The following ENTPD7 variants were observed in gnomAD, a reference collection of about 807,000 sequenced individuals.
ENTPD7 encodes the protein ectonucleoside triphosphate diphosphohydrolase 7.
A neutral mutation model predicts 77.9 loss-of-function variants in ENTPD7; 53 were observed. That is an observed-to-expected ratio of 0.68 (90% CI 0.55 to 0.85). ENTPD7 has a LOEUF of 0.85. Ranked by LOEUF, ENTPD7 falls within the 40% of genes least tolerant of loss-of-function variation. The pLI, the probability that ENTPD7 is intolerant of heterozygous loss-of-function variation, is 0.00. For missense variants in ENTPD7, 636 were observed against 743.7 expected, an observed-to-expected ratio of 0.86 and a Z score of 1.68; for synonymous variants, 248 against 274.9, an observed-to-expected ratio of 0.90 and a Z score of 0.97.
At position 99,702,679 on chromosome 10, in the gene ENTPD7, G is replaced by GT. The variant is rs1177538911; in HGVS notation, c.1583+7dup. 6.2e-7 allele frequency: 1 copy of GT among 1,603,154 alleles called. No individual in the cohort carries two copies. The highest frequency in any genetic ancestry group is 1.1e-5 in the South Asian group (1 of 88,990). On this transcript the variant is annotated splice_region_variant and intron_variant, in intron 12 of 12. Coordinates refer to ENST00000370489, the MANE Select transcript of ENTPD7 (RefSeq NM_020354.5). ...ACACGATTCTTACCACTCAGGTAAA[G>GT]TAAGACTGACCAATCTGGTATCTTG...
chr10:99,688,560 T>C, intron 6 of ENTPD7, 134 bp from the exon 7 acceptor site: 1 of 715,952 alleles, frequency 1.4e-6, no homozygotes, highest in East Asian at 2.9e-5. Context: ...TTGAAATTCC[T>C]ACATTGAGAG....
At chr10:99,684,071 T>C (rs900097380) in intron 5 of ENTPD7, among the ~76,000 whole-genome samples, 1 of 152,216 alleles carries the variant, frequency 6.6e-6, no homozygotes, top group African/African-American at 2.4e-5. Context: ...TATTTATTTA[T>C]TGGAGATGGA....
In ENTPD7 at chr10:99,679,438, C is replaced by G; in HGVS notation, c.369C>G (p.Ser123Arg). 1 of 1,613,560 alleles carries G rather than the reference C, an allele frequency of 6.2e-7. No individual in the cohort carries two copies. Among genetic ancestry groups the G allele is most frequent in the Non-Finnish European group, 8.5e-7 (1 of 1,179,866 alleles). Residue 123 changes from serine to arginine, a missense_variant, in exon 4 of 13, where the codon AGC (serine) becomes AGG (arginine). Ser to Arg is a moderately radical substitution (Grantham distance 110). Coordinates refer to ENST00000370489, the MANE Select transcript of ENTPD7 (RefSeq NM_020354.5). ...LDIKQMRDRN[S>R]QPVVKKIKPG... is the part of the protein sequence containing the mutation. The stretch of plus-strand genomic sequence containing the variant: ...TCAAACAGATGAGAGACCGCAACAG[C>G]CAACCAGTGGTTAAAAAAATCAAGC...
Position 99,694,915 on chromosome 10 carries a change from TAC to T in ENTPD7, c.844-1039_844-1038del, listed in dbSNP as rs58290491. Among the ~76,000 whole-genome samples the T allele has an allele frequency of 2.1e-3, 315 of 152,230 alleles. 2 individuals are homozygous for T. Among genetic ancestry groups the T allele is most frequent in the African/African-American group, 7.4e-3 (309 of 41,550 alleles). On this transcript the variant is annotated intron_variant, in intron 8 of 12. Transcript: ENST00000370489. ...GTATTTTTCACAAATTAAAAAGAAA[TAC>T]ATTCAAAACAAGAATCCTCATTTTA...
chr10:99,699,855 C>T lies in ENTPD7; in HGVS notation c.1335+997C>T, dbSNP rs144191445. Among the ~76,000 whole-genome samples, 992 of 152,176 alleles carry T rather than the reference C, an allele frequency of 6.5e-3. 16 individuals carry two copies. Among genetic ancestry groups the T allele is most frequent in the African/African-American group, 0.021 (883 of 41,502 alleles). ...TGCTGAGATTACAGGCGTGAGTCAC[C>T]GTACCCAGCCTCTCCTCATATTTCC... On this transcript the variant is annotated intron_variant, in intron 10 of 12. Transcript: ENST00000370489.
chr10:99,708,876 A>C lies in ENTPD7; in HGVS notation c.*4193A>C. ...ATGCTCATTAACAGAATCTTTCTGC[A>C]AGTATAAACAGAATCTATTTTTTAT... is the stretch of plus-strand genomic sequence containing the variant. On this transcript the variant is annotated 3_prime_UTR_variant, in exon 13 of 13. Transcript: ENST00000370489. 1.0e-6 allele frequency: 1 copy of C among 985,420 alleles called. No homozygotes were observed. Among genetic ancestry groups the C allele is most frequent in the Non-Finnish European group, 1.2e-6 (1 of 829,918 alleles). 61.0% of individuals were successfully genotyped at this position (985,420 alleles called of 1,614,324 possible). A position where few individuals can be genotyped will look rare whatever the true frequency, so the allele number is the denominator to read the frequency against.
chr10:99,681,009 A>T (rs947521663), intron 5 of ENTPD7, among the ~76,000 whole-genome samples: 1 of 152,172 alleles, frequency 6.6e-6, no homozygotes, highest in African/African-American at 2.4e-5. Flanking sequence ...TATTGTCGTT[A>T]GTGTTCATCC....
rs2036328291 is a variant in ENTPD7, at chr10:99,709,807, T to G, written c.*5124T>G. The stretch of plus-strand genomic sequence containing the variant: ...ACACATTTCTCTTTTGCTCTAATAT[T>G]TCATTATTTTCCAGTTTGTCAGTAC... On this transcript the variant is annotated 3_prime_UTR_variant, in exon 13 of 13. Coordinates refer to ENST00000370489, the MANE Select transcript of ENTPD7 (RefSeq NM_020354.5). 1 of 985,214 alleles carries G rather than the reference T, an allele frequency of 1.0e-6. No homozygotes were observed. Among genetic ancestry groups the G allele is most frequent in the Non-Finnish European group, 1.2e-6 (1 of 829,854 alleles). 61.0% of individuals were successfully genotyped at this position (985,214 alleles called of 1,614,324 possible).
chr10:99,698,307 T>A (rs1184732594), intron 9 of ENTPD7, among the ~76,000 whole-genome samples: 1 of 152,260 alleles, frequency 6.6e-6, no homozygotes, highest in Non-Finnish European at 1.5e-5. Context: ...ATACACATGT[T>A]GACTAAAATG....
chr10:99,703,932 A>G (rs531654941), intron 12 of ENTPD7, among the ~76,000 whole-genome samples: 1 of 152,068 alleles, frequency 6.6e-6, no homozygotes, highest in African/African-American at 2.4e-5. Context: ...TGTTATGTTG[A>G]CCAGGCTGGT....
At position 99,698,707 on chromosome 10, in the gene ENTPD7, C is replaced by G. The variant is rs372846468; in HGVS notation, c.1184C>G (p.Thr395Ser). Reference protein sequence around the residue: ...MLSPLLARSNTSQASLNGIYQ... With the variant: ...MLSPLLARSNSSQASLNGIYQ... ...AGCCCCCTGCTGGCTCGCTCCAACA[C>G]CAGCCAGGCCTCACTCAATGGCATA... The change falls in exon 10 of 13, where the codon ACC (threonine) becomes AGC (serine). Residue 395 changes from threonine (T) to serine (S), a missense_variant. This residue lies in a region of ENTPD7 where 486 missense variants were observed against 556.5 expected (regional missense o/e 0.87). Coordinates refer to ENST00000370489, the MANE Select transcript of ENTPD7 (RefSeq NM_020354.5). 6.0e-5 allele frequency: 97 copies of G among 1,614,078 alleles called. 1 individual carries two copies. The East Asian group carries it at 6.0e-4, about 10-fold the overall frequency.
chr10:99,703,101 T>C (rs968160637), intron 12 of ENTPD7, among the ~76,000 whole-genome samples: 8 of 152,194 alleles, frequency 5.3e-5, no homozygotes, highest in Non-Finnish European at 1.0e-4. Context: ...CTCCAGACAT[T>C]GTGTCATTGA....
chr10:99,698,497 G>GTGAT, intron 9 of ENTPD7, 37 bp from the exon 10 acceptor site: 1 of 1,563,464 alleles, frequency 6.4e-7, no homozygotes, highest in Non-Finnish European at 8.8e-7. Flanking sequence ...CAGGCATGAC[G>GTGAT]TGTTTGTTTG....
intron 6 of ENTPD7, among the ~76,000 whole-genome samples, chr10:99,687,456 G>A (rs375093443): frequency 9.3e-4 from 140 of 150,728 alleles, no homozygotes; most frequent in African/African-American, 3.1e-3. Context: ...TAGTAGAGAC[G>A]GAGTTTCACT....
chr10:99,664,858 C>G (rs1277332420), intron 3 of ENTPD7, among the ~76,000 whole-genome samples: 1 of 152,132 alleles, frequency 6.6e-6, no homozygotes, highest in Non-Finnish European at 1.5e-5. Flanking sequence ...ACCTGGAAGT[C>G]CAGGGGTAGA....
intron 4 of ENTPD7, 106 bp from the exon 5 acceptor site, chr10:99,679,619 A>G: frequency 6.8e-7 from 1 of 1,466,708 alleles, no homozygotes. Context: ...TCAAATAAAT[A>G]AATGTTTAGG....
intron 6 of ENTPD7, among the ~76,000 whole-genome samples, chr10:99,687,206 C>A (rs1352909168): frequency 1.4e-5 from 2 of 147,200 alleles, no homozygotes; most frequent in Non-Finnish European, 3.0e-5. Flanking sequence ...CAAGCCACTG[C>A]GGCCGGCCCG....
chr10:99,701,838 A>G (rs2036137915), intron 11 of ENTPD7, among the ~76,000 whole-genome samples: 1 of 151,310 alleles, frequency 6.6e-6, no homozygotes, highest in Admixed American at 6.6e-5. Flanking sequence ...ACCTGAGTTC[A>G]GGAGTTCAAG....
intron 3 of ENTPD7, among the ~76,000 whole-genome samples, chr10:99,675,597 A>ATT (rs56282052): frequency 0.023 from 2,412 of 105,558 alleles, 92 homozygotes; most frequent in Middle Eastern, 0.047. Context: ...ATTGCAACTA[A>ATT]TTTTTTTTTT....
Sources: allele counts gnomAD v4.1 joint callset (sites outside exome capture counted in the v4.1 genomes callset), GRCh38; gene constraint gnomAD v4.1.1; regional missense constraint gnomAD v4.1.1; transcripts MANE v1.5; gene names NCBI Gene and HGNC (gene_info 2026-07-23, HGNC 2026-07-21).